OGT: variants seen among roughly 807,000 people sequenced by gnomAD.
OGT encodes the protein UDP-N-acetylglucosamine--peptide N-acetylglucosaminyltransferase 110 kDa subunit.
A neutral mutation model predicts 75.8 loss-of-function variants in OGT; 3 were observed. The ratio of observed to expected loss-of-function variants is 0.04; its 90% CI spans 0.02 to 0.10. OGT has a LOEUF of 0.10. Ranked by LOEUF, OGT falls within the 10% of genes least tolerant of loss-of-function variation. The pLI is 1.00. For missense variants in OGT, 260 were observed against 824.4 expected (o/e 0.32, Z 8.38); for synonymous variants, 257 against 289.7 (o/e 0.89, Z 1.15).
intron 5 of OGT, among the ~76,000 whole-genome samples, chrX:71,549,101 T>C (rs1419316246): frequency 1.9e-5 from 2 of 107,351 alleles, no homozygotes; most frequent in African/African-American, 6.8e-5. Flanking sequence ...GCTTAGGAGT[T>C]GAAAACCAGC....
intron 19 of OGT, among the ~76,000 whole-genome samples, chrX:71,565,911 A>G (rs1356896668): frequency 2.7e-5 from 3 of 112,564 alleles, no homozygotes; most frequent in Non-Finnish European, 5.6e-5. Context: ...ACATCCACCC[A>G]TTTTTAACAT....
At chrX:71,556,609 A>C in intron 8 of OGT, 71 bp from the exon 9 acceptor site, 1 of 596,686 alleles carries the variant, frequency 1.7e-6, no homozygotes, top group Non-Finnish European at 2.5e-6. Context: ...AAAGTTCTTA[A>C]GGTTGTGGTG....
Position 71,537,856 on chromosome X carries a change from T to C in OGT, c.246T>C (p.Ile82=). 1 of 1,212,063 alleles carries C rather than the reference T, an allele frequency of 8.3e-7. No homozygotes were observed. The highest frequency in any genetic ancestry group is 1.7e-5 in the African/African-American group (1 of 57,930). ...DRSAHFSTLA[I]KQNPLLAEAY... Reference sequence around the variant, plus strand: ...CTGCTCACTTTAGCACTCTGGCAATTAAACAGAACCCCCTTCTGGCAGAAG... The same window carrying C: ...CTGCTCACTTTAGCACTCTGGCAATCAAACAGAACCCCCTTCTGGCAGAAG... Residue 82 remains isoleucine, a synonymous_variant, in exon 3 of 22, where the codon ATT becomes ATC. Transcript: ENST00000373719.
intron 21 of OGT, among the ~76,000 whole-genome samples, chrX:71,569,099 G>A (rs911825105): frequency 9.0e-6 from 1 of 111,619 alleles, no homozygotes; most frequent in Non-Finnish European, 1.9e-5. Context: ...GGAGGGCGAG[G>A]TGGGCGGATC....
intron 4 of OGT, 103 bp downstream of exon 4, chrX:71,544,738 TTGAAAC>T (rs1456533734): frequency 4.2e-5 from 28 of 672,945 alleles, no homozygotes; most frequent in Non-Finnish European, 6.5e-5. Context: ...AAACAGTCCT[TTGAAAC>T]TGAGGAAAAC....
At chrX:71,560,751 A>G (rs1223259866) in intron 14 of OGT, among the ~76,000 whole-genome samples, 2 of 111,419 alleles carry the variant, frequency 1.8e-5, no homozygotes, top group East Asian at 2.8e-4. Flanking sequence ...ACTCTTTGTG[A>G]CCAAGAAGCA....
rs2040366519 is a variant in OGT at position 71,559,267 on chromosome X, A to G, written c.1603A>G (p.Ile535Val). The stretch of plus-strand genomic sequence containing the variant: ...AACAAGCATTGGATTCTGTTGATAG[A>G]TTAATGTTCTTCATAAACCACCATA... ...ERHGNLCLDK[I>V]NVLHKPPYEH... Residue 535 changes from isoleucine to valine, a missense_variant and splice_region_variant, in exon 13 of 22, where the codon ATT becomes GTT. This residue lies in a region of OGT where 99 missense variants were observed against 417.9 expected (regional missense o/e 0.24). Transcript: ENST00000373719. 2 of 1,202,826 alleles carry G rather than the reference A, an allele frequency of 1.7e-6. No individual in the cohort carries two copies. Among genetic ancestry groups the G allele is most frequent in the Non-Finnish European group, 2.2e-6 (2 of 891,753 alleles).
chrX:71,543,736 G>A (rs1039299101), intron 3 of OGT, among the ~76,000 whole-genome samples: 2 of 53,022 alleles, frequency 3.8e-5, no homozygotes, highest in African/African-American at 1.2e-4. Context: ...TATTTGAGAT[G>A]TGTGTGTGTG....
intron 6 of OGT, 34 bp from the exon 7 acceptor site, chrX:71,555,134 TTGTGTGTGTGTGTGTGTGTGTG>T (rs376605851): frequency 1.7e-4 from 89 of 533,771 alleles, no homozygotes; most frequent in Non-Finnish European, 2.2e-4. Context: ...GAGTTACATT[TTGTGTGTGTGTGTGTGTGTGTG>T]TGTGTGTGTG....
At chrX:71,552,983 T>C (rs1226145618) in intron 5 of OGT, among the ~76,000 whole-genome samples, 1 of 112,409 alleles carries the variant, frequency 8.9e-6, no homozygotes, top group African/African-American at 3.2e-5. Context: ...ATTTCTATTA[T>C]AAAGTTTAAA....
chrX:71,536,974 T>G (rs2040180556), intron 2 of OGT: 1 of 198,056 alleles, frequency 5.0e-6, no homozygotes, highest in African/African-American at 3.6e-5. Context: ...TTTTTTTTTT[T>G]TTTTTTTTTT....
intron 5 of OGT, among the ~76,000 whole-genome samples, chrX:71,551,429 C>G (rs1402700272): frequency 8.9e-6 from 1 of 111,993 alleles, no homozygotes; most frequent in Admixed American, 9.4e-5. Context: ...GTCAGGAGTT[C>G]GAGACCAGCC....
At chrX:71,550,345 T>C (rs1002086254) in intron 5 of OGT, among the ~76,000 whole-genome samples, 1 of 112,454 alleles carries the variant, frequency 8.9e-6, no homozygotes, top group Non-Finnish European at 1.9e-5. Flanking sequence ...GTTGAGCATA[T>C]TTTTTATATA....
At chrX:71,561,218 A>G (rs985083039) in intron 14 of OGT, among the ~76,000 whole-genome samples, 1 of 110,813 alleles carries the variant, frequency 9.0e-6, no homozygotes, top group Non-Finnish European at 1.9e-5. Flanking sequence ...GTGAGCCACC[A>G]TGCCCGGCCT....
At chrX:71,544,292 C>T (rs1394272496) in intron 3 of OGT, among the ~76,000 whole-genome samples, 1 of 111,816 alleles carries the variant, frequency 8.9e-6, no homozygotes, top group African/African-American at 3.3e-5. Context: ...TATATTTCTG[C>T]AGCAAAAGAC....
intron 4 of OGT, chrX:71,545,817 T>C (rs2040255924): frequency 8.9e-6 from 1 of 112,562 alleles, no homozygotes; most frequent in South Asian, 3.6e-4. Flanking sequence ...AACAAATATT[T>C]GATAAGCTCC....
chrX:71,533,126 A>T lies in OGT; in HGVS notation c.-174A>T. On this transcript the variant is annotated 5_prime_UTR_variant, in exon 1 of 22. The change abolishes an upstream ATG in the 5' untranslated region. Coordinates refer to ENST00000373719, the MANE Select transcript of OGT (RefSeq NM_181672.3). ...GCCATTTCAAGACCGTACTAGGTAG[A>T]TGGTCAATTAGAGTTCCCAGGGTTT... is the stretch of plus-strand genomic sequence containing the variant. 2 of 469,437 alleles carry T rather than the reference A, an allele frequency of 4.3e-6. No homozygotes were observed. The highest frequency in any genetic ancestry group is 3.1e-5 in the South Asian group (1 of 32,617). 38.7% of individuals were successfully genotyped at this position (469,437 alleles called of 1,213,427 possible). A position where few individuals can be genotyped will look rare whatever the true frequency, so the allele number is the denominator to read the frequency against.
intron 19 of OGT, 22 bp from the exon 20 acceptor site, chrX:71,567,478 A>C (rs1300810433): frequency 9.0e-7 from 1 of 1,111,001 alleles, no homozygotes; most frequent in East Asian, 3.0e-5. Context: ...ATTAATAATT[A>C]TTCTTATTTT....
chrX:71,533,494 G>C (rs1301092224), intron 1 of OGT, among the ~76,000 whole-genome samples, 158 bp downstream of exon 1: 1 of 111,645 alleles, frequency 9.0e-6, no homozygotes, highest in East Asian at 2.8e-4. Flanking sequence ...ATCACATCGG[G>C]TTTTCCGCTG....
Sources: gnomAD v4.1 joint callset for allele counts (sites outside exome capture counted in the v4.1 genomes callset) on GRCh38, gnomAD v4.1.1 for gene constraint, gnomAD v4.1.1 regional missense constraint, MANE v1.5 for transcripts, NCBI Gene and HGNC (gene_info 2026-07-23, HGNC 2026-07-21) for gene names.